CSNK2A2IP: variants seen among roughly 807,000 people sequenced by gnomAD.
CSNK2A2IP encodes casein kinase 2 subunit alpha' interacting protein.
At chr3:88,466,834 AAG>A in the CSNK2A2IP span, 1 of 991,820 alleles carries the variant, frequency 1.0e-6, no homozygotes, top group Non-Finnish European at 1.3e-6. Flanking sequence ...TCTTAGAGGA[AAG>A]AAAAATCCTC....
the CSNK2A2IP span, among the ~76,000 whole-genome samples, chr3:88,380,296 C>A: frequency 3.3e-5 from 5 of 151,926 alleles, no homozygotes; most frequent in African/African-American, 7.2e-5. Flanking sequence ...GACTAAAGTA[C>A]CAATGTTGAA....
chr3:88,456,236 T>A, the CSNK2A2IP span, among the ~76,000 whole-genome samples: 1 of 152,106 alleles, frequency 6.6e-6, no homozygotes, highest in Non-Finnish European at 1.5e-5. Flanking sequence ...CAAGCAATGC[T>A]ATTGGAATTT....
the CSNK2A2IP span, among the ~76,000 whole-genome samples, chr3:88,391,758 A>T: frequency 6.6e-6 from 1 of 152,174 alleles, no homozygotes; most frequent in Non-Finnish European, 1.5e-5. Flanking sequence ...ACTGCATTTG[A>T]TGTTGTAGAG....
the CSNK2A2IP span, among the ~76,000 whole-genome samples, chr3:88,406,572 A>G: frequency 6.6e-6 from 1 of 152,226 alleles, no homozygotes; most frequent in Non-Finnish European, 1.5e-5. Context: ...TTCCTATTTC[A>G]GCTAAAGGGT....
chr3:88,407,709 A>AACCT, the CSNK2A2IP span, among the ~76,000 whole-genome samples: 1 of 133,610 alleles, frequency 7.5e-6, no homozygotes, highest in South Asian at 2.9e-4. Context: ...AATAGTGTGC[A>AACCT]ATCTATTTAT....
chr3:88,440,857 G>A, the CSNK2A2IP span, among the ~76,000 whole-genome samples: 1 of 152,030 alleles, frequency 6.6e-6, no homozygotes, highest in Admixed American at 6.6e-5. Flanking sequence ...CATCACAAAT[G>A]CCAGGAAATA....
the CSNK2A2IP span, among the ~76,000 whole-genome samples, chr3:88,446,074 C>T: frequency 7.5e-5 from 8 of 107,192 alleles, no homozygotes; most frequent in East Asian, 2.6e-4. Context: ...TTCTTTCTTT[C>T]TTTCTTTCTT....
At chr3:88,390,633 G>C in the CSNK2A2IP span, among the ~76,000 whole-genome samples, 3 of 152,184 alleles carry the variant, frequency 2.0e-5, no homozygotes, top group South Asian at 6.2e-4. Flanking sequence ...ATTAAAAGTT[G>C]TATGCTTTGT....
the CSNK2A2IP span, among the ~76,000 whole-genome samples, chr3:88,436,931 T>A: frequency 5.3e-5 from 8 of 152,144 alleles, no homozygotes; most frequent in Non-Finnish European, 1.2e-4. Flanking sequence ...GTTTACTGAA[T>A]TTTTAATAGG....
the CSNK2A2IP span, chr3:88,465,381 T>A: frequency 8.1e-7 from 1 of 1,231,620 alleles, no homozygotes; most frequent in East Asian, 3.2e-5. Context: ...CATATTATGG[T>A]CAACACTTTG....
chr3:88,464,660 A>G, the CSNK2A2IP span, among the ~76,000 whole-genome samples: 1 of 152,156 alleles, frequency 6.6e-6, no homozygotes, highest in Non-Finnish European at 1.5e-5. Flanking sequence ...GGGTAACTGA[A>G]TCTGAACTGA....
the CSNK2A2IP span, among the ~76,000 whole-genome samples, chr3:88,450,300 T>C: frequency 8.6e-5 from 13 of 151,880 alleles, no homozygotes; most frequent in African/African-American, 2.9e-4. Flanking sequence ...ACATAGTTAC[T>C]TTTTTTTGGC....
At chr3:88,439,011 C>A in the CSNK2A2IP span, among the ~76,000 whole-genome samples, 1 of 152,156 alleles carries the variant, frequency 6.6e-6, no homozygotes, top group South Asian at 2.1e-4. Context: ...GCCTTTTTCT[C>A]TAGCCTGATT....
chr3:88,446,637 G>A, the CSNK2A2IP span, among the ~76,000 whole-genome samples: 1 of 152,096 alleles, frequency 6.6e-6, no homozygotes, highest in African/African-American at 2.4e-5. Context: ...ATCCTTCAAA[G>A]CAATTCACTG....
the CSNK2A2IP span, among the ~76,000 whole-genome samples, chr3:88,419,463 T>A: frequency 2.0e-5 from 3 of 152,202 alleles, no homozygotes; most frequent in Non-Finnish European, 4.4e-5. Flanking sequence ...TGTGTAGTAT[T>A]CCATGGTATA....
At chr3:88,359,240 T>G in the CSNK2A2IP span, among the ~76,000 whole-genome samples, 1 of 151,928 alleles carries the variant, frequency 6.6e-6, no homozygotes, top group Admixed American at 6.5e-5. Context: ...TGTCTCTTTT[T>G]TCACCTCTAG....
At chr3:88,467,588 G>T in the CSNK2A2IP span, 1 of 398,274 alleles carries the variant, frequency 2.5e-6, no homozygotes, top group Admixed American at 4.4e-5. Flanking sequence ...TTAATCTTTA[G>T]TCTGTTTGAA....
chr3:88,405,353 T>C, the CSNK2A2IP span, among the ~76,000 whole-genome samples: 1 of 152,132 alleles, frequency 6.6e-6, no homozygotes, highest in Non-Finnish European at 1.5e-5. Flanking sequence ...TATCAAGAGG[T>C]TCTTTTAACC....
At chr3:88,421,509 C>T in the CSNK2A2IP span, among the ~76,000 whole-genome samples, 19 of 152,160 alleles carry the variant, frequency 1.2e-4, no homozygotes, top group East Asian at 1.2e-3. Flanking sequence ...CTCCACCTTC[C>T]GGGTTCAAGC....
Sources: allele counts gnomAD v4.1 joint callset (sites outside exome capture counted in the v4.1 genomes callset), GRCh38; gene constraint gnomAD v4.1.1; transcripts MANE v1.5; gene names NCBI Gene and HGNC (gene_info 2026-07-23, HGNC 2026-07-21).